Variants in GREM1 observed in about 807,000 individuals in gnomAD.
GREM1 encodes the protein gremlin-1.
Under a neutral mutation model 13.1 loss-of-function variants are expected in GREM1, and 6 were observed. The observed-to-expected ratio is 0.46, with a 90% CI of 0.25 to 0.91. The LOEUF is 0.91. GREM1 is among the 40% of genes least tolerant of loss of function. GREM1 has a pLI of 0.18. For missense variants in GREM1, 185 were observed against 233.9 expected, an observed-to-expected ratio of 0.79 and a Z score of 1.36; for synonymous variants, 98 against 93.7, an observed-to-expected ratio of 1.05 and a Z score of -0.27.
intron 1 of GREM1, among the ~76,000 whole-genome samples, chr15:32,721,933 A>G (rs1171729710): frequency 2.6e-5 from 4 of 152,222 alleles, no homozygotes; most frequent in Non-Finnish European, 5.9e-5. Flanking sequence ...AAAATCTTTG[A>G]CAAACATAGA....
chr15:32,743,931 AC>A lies in GREM1; in HGVS notation c.*12687del, dbSNP rs1361516209. On this transcript the variant is annotated 3_prime_UTR_variant, in exon 2 of 2. Coordinates refer to ENST00000651154, the MANE Select transcript of GREM1 (RefSeq NM_013372.7). ...TTCCTCACCATGTGAACCTCTCTTC[AC>A]GACTTAGTAACTGGCTTCCTCTAGA... is the stretch of plus-strand genomic sequence containing the variant. The A allele has an allele frequency of 6.6e-6, 1 of 152,156 alleles. No individual in the cohort carries two copies. Among genetic ancestry groups the A allele is most frequent in the Non-Finnish European group, 1.5e-5 (1 of 68,040 alleles). 9.4% of individuals were successfully genotyped at this position (152,156 alleles called of 1,614,324 possible). A position where few individuals can be genotyped will look rare whatever the true frequency, so the allele number is the denominator to read the frequency against.
At position 32,740,944 on chromosome 15, in the gene GREM1, G is replaced by A. The variant is rs1049062612; in HGVS notation, c.*9699G>A. The A allele has an allele frequency of 1.3e-5, 2 of 152,152 alleles. No individual in the cohort carries two copies. The highest frequency in any genetic ancestry group is 4.8e-5 in the African/African-American group (2 of 41,426). The allele number at this position is 152,152 out of a possible 1,614,324, so 9.4% of individuals were successfully genotyped here. On this transcript the variant is annotated 3_prime_UTR_variant, in exon 2 of 2. Transcript: ENST00000651154. ...TTCTGATTTGCCAGTGTGGTCTCAT[G>A]TTACCCCTGTGCCTAGAAAGGAAAC... is the stretch of plus-strand genomic sequence containing the variant.
intron 1 of GREM1, 98 bp downstream of exon 1, chr15:32,718,259 C>T (rs1248949348): frequency 3.1e-6 from 3 of 973,272 alleles, no homozygotes; most frequent in East Asian, 3.9e-5. Context: ...GGCAGCCCTC[C>T]GTGCGCGCAG....
chr15:32,723,590 T>C (rs1212889909), intron 1 of GREM1, among the ~76,000 whole-genome samples: 1 of 149,256 alleles, frequency 6.7e-6, no homozygotes, highest in African/African-American at 2.5e-5. Flanking sequence ...TTTCCATAGC[T>C]AATAAATCTT....
chr15:32,718,049 C>T lies in GREM1; in HGVS notation c.-114C>T, dbSNP rs1399103942. 7 of 1,166,260 alleles carry T rather than the reference C, an allele frequency of 6.0e-6. No homozygotes were observed. The highest frequency in any genetic ancestry group is 1.6e-5 in the African/African-American group (1 of 60,996). The allele number at this position is 1,166,260 out of a possible 1,614,324, so 72.2% of individuals were successfully genotyped here. On this transcript the variant is annotated 5_prime_UTR_variant, in exon 1 of 2. Coordinates refer to ENST00000651154, the MANE Select transcript of GREM1 (RefSeq NM_013372.7). ...ACCGGGCGACCCAGTGCACGGCCGC[C>T]GCGTCACTCTCGGTCCCGCTGACCC...
Position 32,736,840 on chromosome 15 carries a change from A to G in GREM1, c.*5595A>G, listed in dbSNP as rs2055703284. 1 of 152,180 alleles carries G rather than the reference A, an allele frequency of 6.6e-6. No homozygotes were observed. The allele number at this position is 152,180 out of a possible 1,614,324, so 9.4% of individuals were successfully genotyped here. ...AAGTCATACTTTCTAAACATCATAA[A>G]AAGCCCAAACCAGTCTCCTTTCCTG... On this transcript the variant is annotated 3_prime_UTR_variant, in exon 2 of 2. Coordinates refer to ENST00000651154, the MANE Select transcript of GREM1 (RefSeq NM_013372.7).
At chr15:32,719,649 C>G (rs1038601966) in intron 1 of GREM1, among the ~76,000 whole-genome samples, 6 of 152,118 alleles carry the variant, frequency 3.9e-5, no homozygotes, top group African/African-American at 1.4e-4. Context: ...TGTTCCCCTT[C>G]GAGATGGTGC....
chr15:32,735,241 T>A lies in GREM1; in HGVS notation c.*3996T>A, dbSNP rs1211033789. ...TTCTACTTAGATATATAATACAAGA[T>A]TTCTATTAGGTATGGGTGCTCTGAT... On this transcript the variant is annotated 3_prime_UTR_variant, in exon 2 of 2. Coordinates refer to ENST00000651154, the MANE Select transcript of GREM1 (RefSeq NM_013372.7). The A allele has an allele frequency of 6.6e-6, 1 of 152,152 alleles. No homozygotes were observed. Among genetic ancestry groups the A allele is most frequent in the Non-Finnish European group, 1.5e-5 (1 of 68,040 alleles). 9.4% of individuals were successfully genotyped at this position (152,152 alleles called of 1,614,324 possible).
chr15:32,721,483 G>A (rs1022038077), intron 1 of GREM1, among the ~76,000 whole-genome samples: 2 of 152,154 alleles, frequency 1.3e-5, no homozygotes, highest in Admixed American at 6.5e-5. Context: ...GGCCGGGTGA[G>A]GTGGCTCACG....
At chr15:32,718,384 A>C (rs1168007367) in intron 1 of GREM1, 1 of 494,152 alleles carries the variant, frequency 2.0e-6, no homozygotes, top group Non-Finnish European at 4.0e-6. Context: ...AACGTAGGAA[A>C]AAAAGTTGTC....
rs554981655 is a variant in GREM1 at position 32,734,350 on chromosome 15, A to G, written c.*3105A>G. 13 of 246,418 alleles carry G rather than the reference A, an allele frequency of 5.3e-5. No homozygotes were observed. The highest frequency in any genetic ancestry group is 2.9e-4 in the African/African-American group (13 of 45,412). The allele number at this position is 246,418 out of a possible 1,614,324, so 15.3% of individuals were successfully genotyped here. A position where few individuals can be genotyped will look rare whatever the true frequency, so the allele number is the denominator to read the frequency against. On this transcript the variant is annotated 3_prime_UTR_variant, in exon 2 of 2. Transcript: ENST00000651154. ...CCTTTTAAGGAGAAAATCTAAAATG[A>G]AAAGTGGATAAACAGAACATTTATA...
At chr15:32,722,801 A>T (rs2055431015) in intron 1 of GREM1, among the ~76,000 whole-genome samples, 1 of 152,178 alleles carries the variant, frequency 6.6e-6, no homozygotes, top group South Asian at 2.1e-4. Context: ...AAAGGTGGAG[A>T]TGGGGTGAGA....
In GREM1 at chr15:32,741,794, G is replaced by A. The variant is rs1475889642; in HGVS notation, c.*10549G>A. The A allele has an allele frequency of 5.3e-5, 8 of 152,118 alleles. No homozygotes were observed. The highest frequency in any genetic ancestry group is 1.7e-4 in the African/African-American group (7 of 41,448). The allele number at this position is 152,118 out of a possible 1,614,324, so 9.4% of individuals were successfully genotyped here. A position where few individuals can be genotyped will look rare whatever the true frequency, so the allele number is the denominator to read the frequency against. ...TCAGTTTTCCATTATTCGGTATAAT[G>A]TTAGTTATGGGTTTTTAAAAATATA... On this transcript the variant is annotated 3_prime_UTR_variant, in exon 2 of 2. Coordinates refer to ENST00000651154, the MANE Select transcript of GREM1 (RefSeq NM_013372.7).
chr15:32,734,677 G>A lies in GREM1; in HGVS notation c.*3432G>A, dbSNP rs1445865947. 3 of 231,620 alleles carry A rather than the reference G, an allele frequency of 1.3e-5. No individual in the cohort carries two copies. The highest frequency in any genetic ancestry group is 2.7e-5 in the Non-Finnish European group (3 of 112,272). 14.3% of individuals were successfully genotyped at this position (231,620 alleles called of 1,614,324 possible). On this transcript the variant is annotated 3_prime_UTR_variant, in exon 2 of 2. Coordinates refer to ENST00000651154, the MANE Select transcript of GREM1 (RefSeq NM_013372.7). ...AAACCTATTCTTTCTGTGTGTGTGA[G>A]CGTGCGTTTGTGTTTGGTAGTGTTC...
In GREM1 at chr15:32,742,571, A is replaced by G. The variant is rs1296712479; in HGVS notation, c.*11326A>G. On this transcript the variant is annotated 3_prime_UTR_variant, in exon 2 of 2. Transcript: ENST00000651154. Reference sequence around the variant, plus strand: ...CAAAAGACAATGAATAAACAAATCAATCTTGAAAAAGAAGAACAAAGCTGG... The same window carrying G: ...CAAAAGACAATGAATAAACAAATCAGTCTTGAAAAAGAAGAACAAAGCTGG... 1 of 152,222 alleles carries G rather than the reference A, an allele frequency of 6.6e-6. No homozygotes were observed. The highest frequency in any genetic ancestry group is 1.5e-5 in the Non-Finnish European group (1 of 68,032). The allele number at this position is 152,222 out of a possible 1,614,324, so 9.4% of individuals were successfully genotyped here. A position where few individuals can be genotyped will look rare whatever the true frequency, so the allele number is the denominator to read the frequency against.
Position 32,731,450 on chromosome 15 carries a change from G to T in GREM1, c.*205G>T. On this transcript the variant is annotated 3_prime_UTR_variant, in exon 2 of 2. Coordinates refer to ENST00000651154, the MANE Select transcript of GREM1 (RefSeq NM_013372.7). ...GTTTTTAGACACCAGAGAAAACACA[G>T]TCTCTGCTAGAGAGCACTCCCTATT... 1 of 611,716 alleles carries T rather than the reference G, an allele frequency of 1.6e-6. No homozygotes were observed. The highest frequency in any genetic ancestry group is 2.1e-5 in the South Asian group (1 of 48,524). The allele number at this position is 611,716 out of a possible 1,614,324, so 37.9% of individuals were successfully genotyped here. A position where few individuals can be genotyped will look rare whatever the true frequency, so the allele number is the denominator to read the frequency against.
Position 32,718,168 on chromosome 15 carries a change from G to A in GREM1, c.-2+7G>A. The A allele has an allele frequency of 7.5e-7, 1 of 1,335,404 alleles. No individual in the cohort carries two copies. Among genetic ancestry groups the A allele is most frequent in the Non-Finnish European group, 9.9e-7 (1 of 1,015,062 alleles). The allele number at this position is 1,335,404 out of a possible 1,614,324, so 82.7% of individuals were successfully genotyped here. A position where few individuals can be genotyped will look rare whatever the true frequency, so the allele number is the denominator to read the frequency against. On this transcript the variant is annotated splice_region_variant and intron_variant, in intron 1 of 1. Transcript: ENST00000651154. ...GGACCCGCCGCACTGACAGGTGAGCGCGGACGCACCCGGCAGGGATGTGAG... is the reference window on the plus strand; with the variant it reads ...GGACCCGCCGCACTGACAGGTGAGCACGGACGCACCCGGCAGGGATGTGAG...
chr15:32,744,721 G>A lies in GREM1; in HGVS notation c.*13476G>A, dbSNP rs1015856281. On this transcript the variant is annotated 3_prime_UTR_variant, in exon 2 of 2. Coordinates refer to ENST00000651154, the MANE Select transcript of GREM1 (RefSeq NM_013372.7). ...CAGGATAACAATGCAGTGTTATCCT[G>A]CATCTGTACAATCAAGCACCCAAAC... is the stretch of plus-strand genomic sequence containing the variant. 3 of 151,618 alleles carry A rather than the reference G, an allele frequency of 2.0e-5. No homozygotes were observed. The highest frequency in any genetic ancestry group is 6.6e-5 in the Admixed American group (1 of 15,202). 9.4% of individuals were successfully genotyped at this position (151,618 alleles called of 1,614,324 possible). A position where few individuals can be genotyped will look rare whatever the true frequency, so the allele number is the denominator to read the frequency against.
In GREM1 at chr15:32,733,671, C is replaced by A. The variant is rs2055658876; in HGVS notation, c.*2426C>A. 1 of 226,216 alleles carries A rather than the reference C, an allele frequency of 4.4e-6. No homozygotes were observed. Among genetic ancestry groups the A allele is most frequent in the Non-Finnish European group, 9.6e-6 (1 of 104,392 alleles). The allele number at this position is 226,216 out of a possible 1,614,324, so 14.0% of individuals were successfully genotyped here. On this transcript the variant is annotated 3_prime_UTR_variant, in exon 2 of 2. Transcript: ENST00000651154. The stretch of plus-strand genomic sequence containing the variant: ...GTCTTCCAACTTTCATTGAAAATGC[C>A]ATATCTATACCATATTTTATTCGAG...
Sources: allele counts gnomAD v4.1 joint callset (sites outside exome capture counted in the v4.1 genomes callset), GRCh38; gene constraint gnomAD v4.1.1; transcripts MANE v1.5; gene names NCBI Gene and HGNC (gene_info 2026-07-23, HGNC 2026-07-21).